The following IL12RB2 variants were observed in gnomAD, a reference collection of about 807,000 sequenced individuals.
IL12RB2 encodes the protein interleukin-12 receptor subunit beta-2.
IL12RB2 carries 82 observed loss-of-function variants against 89.4 expected under a neutral mutation model. The observed-to-expected ratio is 0.92, with a 90% CI of 0.77 to 1.10. The LOEUF is 1.10. Among genes scored for constraint, IL12RB2 ranks in the 50% least tolerant of loss-of-function variants. IL12RB2 has a pLI of 0.00. For missense variants in IL12RB2, 963 were observed against 1,031.9 expected (o/e 0.93, Z 0.92); for synonymous variants, 368 against 370.1 (o/e 0.99, Z 0.07).
intron 3 of IL12RB2, 117 bp from the exon 4 acceptor site, chr1:67,321,485 A>ATATT: frequency 1.3e-6 from 1 of 749,842 alleles, no homozygotes; most frequent in Non-Finnish European, 2.4e-6. Context: ...TAGGTTAATT[A>ATATT]TATTTGCATG....
chr1:67,357,945 G>C (rs538489354), intron 10 of IL12RB2, among the ~76,000 whole-genome samples: 32 of 152,224 alleles, frequency 2.1e-4, no homozygotes, highest in African/African-American at 7.5e-4. Context: ...GGAAAAAAAT[G>C]GAGGGGAGCA....
Position 67,338,897 on chromosome 1 carries a change from A to G in IL12RB2, c.1038+194A>G. 4.9e-6 allele frequency: 3 copies of G among 611,840 alleles called. No individual in the cohort carries two copies. In the South Asian group the frequency reaches 5.9e-5, roughly 12 times the overall value. 37.9% of individuals were successfully genotyped at this position (611,840 alleles called of 1,614,324 possible). ...GCTGAGTTCCTTCTTCCACACAGTC[A>G]CATCGTTTCAATCCCACTTCCTATA... is the stretch of plus-strand genomic sequence containing the variant. On this transcript the variant is annotated intron_variant, in intron 9 of 16. Transcript: ENST00000674203.
At chr1:67,393,251 G>A (rs547479655) in intron 16 of IL12RB2, among the ~76,000 whole-genome samples, 6 of 152,290 alleles carry the variant, frequency 3.9e-5, no homozygotes, top group Admixed American at 2.6e-4. Context: ...AGCTCTGAAG[G>A]AAAAGGCCAA....
Position 67,326,825 on chromosome 1 carries a change from A to G in IL12RB2, c.455A>G (p.His152Arg). Reference protein sequence around the residue: ...ACTWERGRDTHLYTEYTLQLS... With the variant: ...ACTWERGRDTRLYTEYTLQLS... ...ACCTGGGAAAGAGGACGAGACACCC[A>G]CTTATACACTGAGTATACTCTACAG... is the stretch of plus-strand genomic sequence containing the variant. Residue 152 changes from histidine to arginine, a missense_variant, in exon 5 of 17, where the codon CAC (histidine) becomes CGC (arginine). Physicochemically the swap from His to Arg is conservative, Grantham distance 29. Transcript: ENST00000674203. 2 of 1,613,516 alleles carry G rather than the reference A, an allele frequency of 1.2e-6. No homozygotes were observed. The highest frequency in any genetic ancestry group is 2.2e-5 in the East Asian group (1 of 44,880).
At chr1:67,362,164 G>T (rs2100933184) in intron 10 of IL12RB2, among the ~76,000 whole-genome samples, 1 of 152,194 alleles carries the variant, frequency 6.6e-6, no homozygotes, top group South Asian at 2.1e-4. Flanking sequence ...CCAGCTACTC[G>T]GGAGGCTGCT....
chr1:67,395,049 C>T (rs2100349332), intron 16 of IL12RB2, among the ~76,000 whole-genome samples: 1 of 152,214 alleles, frequency 6.6e-6, no homozygotes, highest in East Asian at 1.9e-4. Flanking sequence ...GGGTAGATCA[C>T]TTGAGGTCAG....
At chr1:67,330,859 GA>G (rs1009041510) in intron 8 of IL12RB2, 49 bp downstream of exon 8, 11 of 981,624 alleles carry the variant, frequency 1.1e-5, no homozygotes, top group Middle Eastern at 2.1e-4. Flanking sequence ...AAAGGGGAGA[GA>G]GGGGGGAAGA....
At chr1:67,371,948 A>C (rs1392178786) in intron 11 of IL12RB2, among the ~76,000 whole-genome samples, 5 of 152,208 alleles carry the variant, frequency 3.3e-5, no homozygotes, top group Non-Finnish European at 7.3e-5. Flanking sequence ...TTCAGGTTCT[A>C]TGCCTGCAAA....
At chr1:67,393,384 C>CG (rs1219956785) in intron 16 of IL12RB2, among the ~76,000 whole-genome samples, 1 of 152,210 alleles carries the variant, frequency 6.6e-6, no homozygotes, top group Non-Finnish European at 1.5e-5. Context: ...CCAGAGGGCC[C>CG]GCTTTGTAAA....
At chr1:67,391,383 GTC>G (rs1665801546) in intron 16 of IL12RB2, among the ~76,000 whole-genome samples, 1 of 133,250 alleles carries the variant, frequency 7.5e-6, no homozygotes, top group African/African-American at 3.1e-5. Flanking sequence ...GTGTGTGTGT[GTC>G]TATACACACA....
intron 5 of IL12RB2, 68 bp from the exon 6 acceptor site, chr1:67,328,132 C>A: frequency 9.3e-7 from 1 of 1,080,560 alleles, no homozygotes; most frequent in Non-Finnish European, 1.4e-6. Flanking sequence ...ACATTTTGTT[C>A]TTTTCTACTG....
At chr1:67,387,512 C>T (rs1665331568) in intron 15 of IL12RB2, among the ~76,000 whole-genome samples, 5 of 150,520 alleles carry the variant, frequency 3.3e-5, no homozygotes, top group Admixed American at 2.0e-4. Context: ...ACCATCCTGG[C>T]CAACATGTTG....
chr1:67,389,319 A>G (rs1264052732), intron 15 of IL12RB2, among the ~76,000 whole-genome samples: 1 of 144,950 alleles, frequency 6.9e-6, no homozygotes, highest in Admixed American at 7.2e-5. Context: ...AGGTTAGACA[A>G]ATTGTAAAGC....
intron 13 of IL12RB2, among the ~76,000 whole-genome samples, chr1:67,378,232 C>A (rs2101052914): frequency 6.6e-6 from 1 of 152,278 alleles, no homozygotes; most frequent in East Asian, 1.9e-4. Flanking sequence ...CTGCCATCCT[C>A]CCCAGCTTTT....
chr1:67,369,106 T>C (rs184141013), intron 11 of IL12RB2, among the ~76,000 whole-genome samples: 13 of 152,312 alleles, frequency 8.5e-5, no homozygotes, highest in Admixed American at 1.3e-4. Flanking sequence ...CATCCTTAAC[T>C]GTGTACCTCT....
intron 13 of IL12RB2, among the ~76,000 whole-genome samples, chr1:67,379,641 A>T (rs1664369723): frequency 6.6e-6 from 1 of 152,054 alleles, no homozygotes; most frequent in South Asian, 2.1e-4. Flanking sequence ...AAAGGGAGTT[A>T]ACTTTAGCTA....
At chr1:67,333,074 A>T (rs1391730001) in intron 8 of IL12RB2, among the ~76,000 whole-genome samples, 1 of 152,186 alleles carries the variant, frequency 6.6e-6, no homozygotes, top group Non-Finnish European at 1.5e-5. Flanking sequence ...TTATTCAGTC[A>T]CTGAAGGTAT....
intron 10 of IL12RB2, among the ~76,000 whole-genome samples, chr1:67,356,171 T>C (rs970712682): frequency 2.0e-5 from 3 of 152,228 alleles, no homozygotes; most frequent in Admixed American, 6.5e-5. Context: ...AGATGTCCAG[T>C]ACACTGTCTA....
At chr1:67,386,539 GT>G (rs1356590760) in intron 14 of IL12RB2, 39 bp from the exon 15 acceptor site, 1 of 1,351,046 alleles carries the variant, frequency 7.4e-7, no homozygotes, top group East Asian at 2.3e-5. Context: ...ATGTTCATTG[GT>G]GATAACTCAC....
Sources: allele counts gnomAD v4.1 joint callset (sites outside exome capture counted in the v4.1 genomes callset), GRCh38; gene constraint gnomAD v4.1.1; transcripts MANE v1.5; gene names NCBI Gene and HGNC (gene_info 2026-07-23, HGNC 2026-07-21).